The following BMPR1B variants were observed in gnomAD, a reference collection of about 807,000 sequenced individuals.
BMPR1B encodes bone morphogenetic protein receptor type-1B.
Under a neutral mutation model 59.1 loss-of-function variants are expected in BMPR1B, and 12 were observed. The ratio of observed to expected loss-of-function variants is 0.20; its 90% CI spans 0.13 to 0.33. The LOEUF is 0.33. Ranked by LOEUF, BMPR1B falls within the 10% of genes least tolerant of loss-of-function variation. The pLI, the probability that BMPR1B is intolerant of heterozygous loss-of-function variation, is 1.00. For synonymous variants in BMPR1B, 237 were observed against 207.3 expected (o/e 1.14, Z -1.23); for missense variants, 550 against 610.9 (o/e 0.90, Z 1.05).
chr4:94,815,239 G>A lies in BMPR1B; in HGVS notation c.-183+57171G>A, dbSNP rs146812747. ...TTATAGTCCTTAGACCTGTTCACTT[G>A]CACATTGTGTGTCTTTTTGTCATTT... is the stretch of plus-strand genomic sequence containing the variant. On this transcript the variant is annotated intron_variant, in intron 1 of 12. Coordinates refer to ENST00000515059, the MANE Select transcript of BMPR1B (RefSeq NM_001203.3). Among the ~76,000 whole-genome samples the A allele has an allele frequency of 2.8e-4, 43 of 152,164 alleles. No individual in the cohort carries two copies. The East Asian group carries it at 7.9e-3, about 28-fold the overall frequency.
In BMPR1B at chr4:94,934,488, A is replaced by G. The variant is rs954413018; in HGVS notation, c.-113+58588A>G. ...TTTTTTTTTCTCCTCCTTCATTCCTAATTTCTCTCAGGAACAAATGGCAGC... is the reference window on the plus strand; with the variant it reads ...TTTTTTTTTCTCCTCCTTCATTCCTGATTTCTCTCAGGAACAAATGGCAGC... On this transcript the variant is annotated intron_variant, in intron 2 of 12. Transcript: ENST00000515059. 7.7e-5 allele frequency among the ~76,000 whole-genome samples: 9 copies of G among 117,624 alleles called. No homozygotes were observed. In the East Asian group the frequency reaches 1.6e-3, roughly 21 times the overall value. 77.2% of individuals were successfully genotyped at this position (117,624 alleles called of 152,430 possible).
At chr4:95,129,452 C>A (rs2149298863) in intron 8 of BMPR1B, among the ~76,000 whole-genome samples, 1 of 151,958 alleles carries the variant, frequency 6.6e-6, no homozygotes, top group South Asian at 2.1e-4. Context: ...ATGTGCCTAA[C>A]AATGCATTAC....
intron 3 of BMPR1B, among the ~76,000 whole-genome samples, chr4:95,052,653 C>T (rs1726591646): frequency 6.6e-6 from 1 of 152,122 alleles, no homozygotes; most frequent in South Asian, 2.1e-4. Context: ...TTGGGATTTA[C>T]AGCATTCAGA....
At chr4:95,032,662 T>C (rs1049961382) in intron 3 of BMPR1B, among the ~76,000 whole-genome samples, 3 of 152,174 alleles carry the variant, frequency 2.0e-5, no homozygotes, top group Non-Finnish European at 2.9e-5. Context: ...TGGCCTAATA[T>C]CCTTAAAGTT....
chr4:94,809,555 A>G (rs192758356), intron 1 of BMPR1B, among the ~76,000 whole-genome samples: 3 of 152,286 alleles, frequency 2.0e-5, no homozygotes, highest in East Asian at 3.9e-4. Context: ...AATACTCACT[A>G]CAGCTGCTTT....
At chr4:94,761,571 T>C (rs1357811952) in intron 1 of BMPR1B, among the ~76,000 whole-genome samples, 1 of 152,104 alleles carries the variant, frequency 6.6e-6, no homozygotes, top group Non-Finnish European at 1.5e-5. Flanking sequence ...TGCAAATTCA[T>C]CTGTTTTACA....
intron 2 of BMPR1B, among the ~76,000 whole-genome samples, chr4:94,940,934 G>A (rs1012319258): frequency 6.6e-6 from 1 of 151,724 alleles, no homozygotes; most frequent in Non-Finnish European, 1.5e-5. Flanking sequence ...CGTGGTACTA[G>A]GTACATTATA....
In BMPR1B at chr4:94,804,590, CTTTTTTTTTT is replaced by C. The variant is rs5860375; in HGVS notation, c.-183+46532_-183+46541del. On this transcript the variant is annotated intron_variant, in intron 1 of 12. Transcript: ENST00000515059. Reference sequence around the variant, plus strand: ...TTTTCATATAACTTTCTTTGTAATACTTTTTTTTTTTTTTTTTTTGCCAAGGACCATTACC... The same window carrying C: ...TTTTCATATAACTTTCTTTGTAATACTTTTTTTTTGCCAAGGACCATTACC... 2.2e-4 allele frequency among the ~76,000 whole-genome samples: 27 copies of C among 121,536 alleles called. 1 individual carries two copies. In the South Asian group the frequency reaches 6.8e-3, roughly 31 times the overall value. 79.7% of individuals were successfully genotyped at this position (121,536 alleles called of 152,430 possible). A position where few individuals can be genotyped will look rare whatever the true frequency, so the allele number is the denominator to read the frequency against.
At chr4:95,090,324 TTGATA>T (rs1166237423) in intron 3 of BMPR1B, among the ~76,000 whole-genome samples, 3 of 151,870 alleles carry the variant, frequency 2.0e-5, no homozygotes, top group Non-Finnish European at 4.4e-5. Flanking sequence ...ACATTTTGAA[TTGATA>T]TATTTTCTTC....
chr4:95,147,938 C>T (rs1259370408), intron 10 of BMPR1B, among the ~76,000 whole-genome samples: 1 of 152,098 alleles, frequency 6.6e-6, no homozygotes, highest in African/African-American at 2.4e-5. Flanking sequence ...GTTGTCCCTC[C>T]GTCATTACTC....
intron 3 of BMPR1B, among the ~76,000 whole-genome samples, chr4:95,065,830 A>G (rs546306904): frequency 1.3e-5 from 2 of 152,308 alleles, no homozygotes; most frequent in Non-Finnish European, 2.9e-5. Flanking sequence ...GCTTTCTTCA[A>G]TATCAATTAT....
At chr4:94,828,074 A>G (rs1169605081) in intron 1 of BMPR1B, among the ~76,000 whole-genome samples, 3 of 152,244 alleles carry the variant, frequency 2.0e-5, no homozygotes, top group Non-Finnish European at 4.4e-5. Flanking sequence ...AAAGTGTTTC[A>G]TTCCATTGCC....
intron 1 of BMPR1B, among the ~76,000 whole-genome samples, chr4:94,845,531 A>G (rs1437655546): frequency 6.6e-6 from 1 of 151,980 alleles, no homozygotes; most frequent in African/African-American, 2.4e-5. Context: ...TTTAGTAGAG[A>G]CGGGGTTTCA....
At position 94,983,280 on chromosome 4, in the gene BMPR1B, T is replaced by A. The variant is rs1447743142; in HGVS notation, c.-112-12760T>A. Among the ~76,000 whole-genome samples, 7 of 152,320 alleles carry A rather than the reference T, an allele frequency of 4.6e-5. No individual in the cohort carries two copies. The South Asian group carries it at 1.2e-3, about 27-fold the overall frequency. On this transcript the variant is annotated intron_variant, in intron 2 of 12. Transcript: ENST00000515059. ...ATTTGTTATTATCACATTCATTTGT[T>A]AGTGTTTGTTTTCCCACTAGTATGT...
chr4:94,766,950 C>T (rs546632306), intron 1 of BMPR1B, among the ~76,000 whole-genome samples: 16 of 152,194 alleles, frequency 1.1e-4, no homozygotes, highest in African/African-American at 1.7e-4. Context: ...GAATGAGTTT[C>T]TCCCTTATTT....
intron 2 of BMPR1B, among the ~76,000 whole-genome samples, chr4:94,938,734 T>G (rs1319070288): frequency 1.3e-5 from 2 of 152,198 alleles, no homozygotes; most frequent in Non-Finnish European, 2.9e-5. Context: ...TATCCTCTAT[T>G]TCTTCAACAA....
intron 2 of BMPR1B, among the ~76,000 whole-genome samples, chr4:94,969,341 T>C (rs1159573626): frequency 1.3e-5 from 2 of 152,142 alleles, no homozygotes; most frequent in Admixed American, 1.3e-4. Flanking sequence ...GTCCATATCC[T>C]GAGTTTTCTA....
chr4:94,894,597 A>G (rs1727519000), intron 2 of BMPR1B, among the ~76,000 whole-genome samples: 1 of 151,964 alleles, frequency 6.6e-6, no homozygotes, highest in South Asian at 2.1e-4. Context: ...TTTCCTTTTG[A>G]GAATACTCTA....
chr4:94,827,225 TC>T (rs1724414276), intron 1 of BMPR1B, among the ~76,000 whole-genome samples: 1 of 152,124 alleles, frequency 6.6e-6, no homozygotes, highest in African/African-American at 2.4e-5. Flanking sequence ...AAGCAGTAGT[TC>T]CTCTGTCTTT....
Sources: gnomAD v4.1 joint callset for allele counts (sites outside exome capture counted in the v4.1 genomes callset) on GRCh38, gnomAD v4.1.1 for gene constraint, MANE v1.5 for transcripts, NCBI Gene and HGNC (gene_info 2026-07-23, HGNC 2026-07-21) for gene names.